Variants in WDPCP observed in about 807,000 individuals in gnomAD.
WDPCP encodes the protein WD repeat-containing and planar cell polarity effector protein fritz homolog.
A neutral mutation model predicts 93.1 loss-of-function variants in WDPCP; 71 were observed. That is an observed-to-expected ratio of 0.76 (90% CI 0.63 to 0.93). The LOEUF is 0.93. Among genes scored for constraint, WDPCP ranks in the 40% least tolerant of loss-of-function variants. The probability of loss-of-function intolerance (pLI) is 0.00; values close to 1 mark genes in which losing one functional copy is unlikely to be tolerated. For synonymous variants in WDPCP, 315 were observed against 315.0 expected (o/e 1.00, Z 0.00); for missense variants, 844 against 887.4 (o/e 0.95, Z 0.62).
chr2:63,629,069 G>C (rs1263226530), intron 3 of WDPCP, among the ~76,000 whole-genome samples: 2 of 152,182 alleles, frequency 1.3e-5, no homozygotes, highest in Non-Finnish European at 2.9e-5. Flanking sequence ...TAACATGGTG[G>C]TGAGTTCTCT....
intron 14 of WDPCP, among the ~76,000 whole-genome samples, chr2:63,225,069 A>AG (rs1358788292): frequency 6.6e-6 from 1 of 151,346 alleles, no homozygotes; most frequent in Non-Finnish European, 1.5e-5. Context: ...AAAAAAAAAA[A>AG]GAAACCTATT....
chr2:63,322,152 G>A (rs1046821308), intron 12 of WDPCP, among the ~76,000 whole-genome samples: 2 of 151,998 alleles, frequency 1.3e-5, no homozygotes, highest in Non-Finnish European at 2.9e-5. Flanking sequence ...CTAGCTAAAG[G>A]ATTGTAAATG....
intron 10 of WDPCP, among the ~76,000 whole-genome samples, chr2:63,394,513 TC>T (rs1436974166): frequency 1.3e-5 from 2 of 152,144 alleles, no homozygotes; most frequent in African/African-American, 4.8e-5. Flanking sequence ...GAATTGCCAT[TC>T]AACCCAACAA....
chr2:63,655,738 TG>T (rs1309301662), intron 2 of WDPCP, among the ~76,000 whole-genome samples: 3 of 152,172 alleles, frequency 2.0e-5, no homozygotes, highest in Admixed American at 2.0e-4. Flanking sequence ...ACACAAAAGG[TG>T]TAATACTATA....
intron 9 of WDPCP, among the ~76,000 whole-genome samples, chr2:63,425,567 A>T (rs187257396): frequency 6.6e-6 from 1 of 152,372 alleles, no homozygotes; most frequent in Admixed American, 6.5e-5. Flanking sequence ...ATTCACTACA[A>T]GAATTTCAAA....
At chr2:63,257,864 C>A (rs1681271139) in intron 14 of WDPCP, among the ~76,000 whole-genome samples, 1 of 152,078 alleles carries the variant, frequency 6.6e-6, no homozygotes, top group African/African-American at 2.4e-5. Flanking sequence ...ATATCTGATA[C>A]CCTGGAATAA....
intron 12 of WDPCP, among the ~76,000 whole-genome samples, chr2:63,351,703 G>A (rs1339377886): frequency 1.3e-5 from 2 of 152,152 alleles, no homozygotes; most frequent in African/African-American, 4.8e-5. Context: ...CCATGTCATT[G>A]CTGTTGTGAA....
chr2:63,341,198 G>A (rs1174489712), intron 12 of WDPCP, among the ~76,000 whole-genome samples: 7 of 152,154 alleles, frequency 4.6e-5, no homozygotes, highest in South Asian at 4.2e-4. Context: ...GCGTGATCTC[G>A]GCATACTGCA....
At chr2:63,202,164 T>A (rs1462975115) in intron 14 of WDPCP, among the ~76,000 whole-genome samples, 4 of 151,788 alleles carry the variant, frequency 2.6e-5, no homozygotes, top group Admixed American at 6.6e-5. Flanking sequence ...CTCAATCATT[T>A]TATATATATA....
intron 12 of WDPCP, among the ~76,000 whole-genome samples, chr2:63,332,595 G>C (rs1365949302): frequency 6.6e-6 from 1 of 152,028 alleles, no homozygotes; most frequent in African/African-American, 2.4e-5. Flanking sequence ...TTACTGTTAA[G>C]TTGTAAGAAT....
intron 9 of WDPCP, among the ~76,000 whole-genome samples, chr2:63,430,158 A>G (rs1364509585): frequency 6.6e-6 from 1 of 152,172 alleles, no homozygotes; most frequent in Non-Finnish European, 1.5e-5. Flanking sequence ...TATAAGTGGG[A>G]GCTAAACACT....
intron 1 of WDPCP, among the ~76,000 whole-genome samples, chr2:63,581,193 T>A (rs1300018323): frequency 6.6e-6 from 1 of 152,150 alleles, no homozygotes; most frequent in Non-Finnish European, 1.5e-5. Flanking sequence ...TATTTCCATA[T>A]GTCTTTGTGT....
At chr2:63,654,655 G>A (rs1710145434) in intron 2 of WDPCP, among the ~76,000 whole-genome samples, 1 of 152,136 alleles carries the variant, frequency 6.6e-6, no homozygotes, top group South Asian at 2.1e-4. Context: ...ACCCCCCAGG[G>A]ATAGCAGAAT....
At chr2:63,818,678 A>C (rs965757995) in intron 1 of WDPCP, among the ~76,000 whole-genome samples, 1 of 152,224 alleles carries the variant, frequency 6.6e-6, no homozygotes, top group African/African-American at 2.4e-5. Context: ...TGAGCAAAAG[A>C]AGCAGGATAC....
rs1672024751 is a variant in WDPCP at position 63,153,551 on chromosome 2, T to G, written c.2102A>C (p.Glu701Ala). The stretch of plus-strand genomic sequence containing the variant: ...TCCAGAACAGATGTCTTTTTCAAGT[T>G]CATTCCTTCTGTCAATTATTTGTCT... ...SNRQIIDRRNELEKDICSGFL... is the reference protein window; with the variant it reads ...SNRQIIDRRNALEKDICSGFL... The change falls in exon 16 of 18, where the codon GAA becomes GCA. Residue 701 changes from glutamate to alanine, a missense_variant. Physicochemically the swap from Glu to Ala is moderately radical, Grantham distance 107. Coordinates refer to ENST00000272321, the MANE Select transcript of WDPCP (RefSeq NM_015910.7). 4 of 1,612,418 alleles carry G rather than the reference T, an allele frequency of 2.5e-6. No individual in the cohort carries two copies. The highest frequency in any genetic ancestry group is 3.4e-6 in the Non-Finnish European group (4 of 1,179,122).
chr2:63,592,331 CT>C (rs1477972108), upstream of WDPCP, among the ~76,000 whole-genome samples: 3 of 151,980 alleles, frequency 2.0e-5, no homozygotes, highest in African/African-American at 7.3e-5. Flanking sequence ...AATAAAATAC[CT>C]TTTGTTTTCA....
At chr2:63,209,832 G>A (rs979449497) in intron 14 of WDPCP, among the ~76,000 whole-genome samples, 1 of 151,898 alleles carries the variant, frequency 6.6e-6, no homozygotes, top group Non-Finnish European at 1.5e-5. Flanking sequence ...AAAAGAGAAG[G>A]GGTCAGTCAA....
intron 2 of WDPCP, among the ~76,000 whole-genome samples, chr2:63,734,376 A>G (rs977023349): frequency 1.3e-5 from 2 of 152,204 alleles, no homozygotes; most frequent in Non-Finnish European, 2.9e-5. Flanking sequence ...ACTTTATTAT[A>G]TATACATATA....
intron 12 of WDPCP, chr2:63,369,395 T>C (rs751591829): frequency 2.2e-6 from 1 of 456,578 alleles, no homozygotes; most frequent in Non-Finnish European, 4.4e-6. Context: ...ATCAGGAGTA[T>C]GGTGGGTCTG....
Sources: gnomAD v4.1 joint callset for allele counts (sites outside exome capture counted in the v4.1 genomes callset) on GRCh38, gnomAD v4.1.1 for gene constraint, MANE v1.5 for transcripts, NCBI Gene and HGNC (gene_info 2026-07-23, HGNC 2026-07-21) for gene names.